TMEFF2: variants seen among roughly 807,000 people sequenced by gnomAD.
TMEFF2 encodes the protein tomoregulin-2.
In TMEFF2, 28 loss-of-function variants were observed where a neutral mutation model predicts 53.8. The ratio of observed to expected loss-of-function variants is 0.52; its 90% CI spans 0.39 to 0.71. TMEFF2 has a LOEUF of 0.71. Ranked by LOEUF, TMEFF2 falls within the 30% of genes least tolerant of loss-of-function variation. The pLI, the probability that TMEFF2 is intolerant of heterozygous loss-of-function variation, is 0.00. For missense variants in TMEFF2, 353 were observed against 455.2 expected (o/e 0.78, Z 2.04); for synonymous variants, 162 against 166.3 (o/e 0.97, Z 0.20).
chr2:192,129,729 GTA>G (rs1468912795), intron 4 of TMEFF2, among the ~76,000 whole-genome samples: 5 of 152,142 alleles, frequency 3.3e-5, no homozygotes, highest in South Asian at 2.1e-4. Flanking sequence ...AAGGTCCTTT[GTA>G]TATGTTTGTG....
At chr2:192,164,113 AT>A (rs1380304157) in intron 4 of TMEFF2, among the ~76,000 whole-genome samples, 2 of 152,322 alleles carry the variant, frequency 1.3e-5, no homozygotes, top group South Asian at 2.1e-4. Flanking sequence ...TTTTGAAAAT[AT>A]AAACCGGATT....
chr2:192,064,522 A>G (rs1213783630), intron 4 of TMEFF2, among the ~76,000 whole-genome samples: 2 of 151,888 alleles, frequency 1.3e-5, no homozygotes, highest in Non-Finnish European at 2.9e-5. Flanking sequence ...TAACTTTTCA[A>G]GACTTATCTA....
intron 4 of TMEFF2, among the ~76,000 whole-genome samples, chr2:192,174,126 A>G (rs981976929): frequency 9.2e-5 from 14 of 151,804 alleles, no homozygotes; most frequent in Non-Finnish European, 2.1e-4. Context: ...CTCCTGATTC[A>G]TAATCCAAAG....
At chr2:192,024,478 C>T (rs1194300186) in intron 5 of TMEFF2, among the ~76,000 whole-genome samples, 3 of 152,172 alleles carry the variant, frequency 2.0e-5, no homozygotes, top group Admixed American at 2.0e-4. Context: ...ATGTGGAGAA[C>T]ACTGGTAGTT....
At chr2:192,133,375 T>C (rs1389052223) in intron 4 of TMEFF2, among the ~76,000 whole-genome samples, 3 of 152,118 alleles carry the variant, frequency 2.0e-5, no homozygotes, top group African/African-American at 7.2e-5. Flanking sequence ...CATTAAAACC[T>C]AATCACCCTT....
intron 5 of TMEFF2, among the ~76,000 whole-genome samples, chr2:192,011,357 G>C (rs1234301600): frequency 6.6e-6 from 1 of 152,188 alleles, no homozygotes; most frequent in Non-Finnish European, 1.5e-5. Context: ...CACTGTGCTA[G>C]GGGTCAGGGA....
intron 4 of TMEFF2, among the ~76,000 whole-genome samples, chr2:192,130,417 G>T (rs1004925859): frequency 6.6e-6 from 1 of 152,044 alleles, no homozygotes; most frequent in Non-Finnish European, 1.5e-5. Context: ...TCAAGCCATC[G>T]CATCCCCTGT....
At position 192,138,284 on chromosome 2, in the gene TMEFF2, T is replaced by C. The variant is rs1236172561; in HGVS notation, c.439+41384A>G. ...ATACTGCATGTATGGTATATGTGCA[T>C]CTGCTTAGAAAATTGTGACATCGGT... On this transcript the variant is annotated intron_variant, in intron 4 of 9. Transcript: ENST00000272771. Among the ~76,000 whole-genome samples the C allele has an allele frequency of 4.6e-5, 7 of 152,350 alleles. 1 individual carries two copies. The East Asian group carries it at 1.3e-3, about 29-fold the overall frequency.
Position 192,099,476 on chromosome 2 carries a change from C to T in TMEFF2, c.440-41701G>A, listed in dbSNP as rs75299924. Among the ~76,000 whole-genome samples, 227 of 152,144 alleles carry T rather than the reference C, an allele frequency of 1.5e-3. 1 individual carries two copies. The highest frequency in any genetic ancestry group is 5.2e-3 in the African/African-American group (215 of 41,524). On this transcript the variant is annotated intron_variant, in intron 4 of 9. Coordinates refer to ENST00000272771, the MANE Select transcript of TMEFF2 (RefSeq NM_016192.4). ...CTTTTGCATATAGATTTCTTGTTCC[C>T]ATTGTGTTTCGAATTTTCTTGGGTT...
chr2:192,164,068 T>C (rs1009651636), intron 4 of TMEFF2, among the ~76,000 whole-genome samples: 1 of 152,188 alleles, frequency 6.6e-6, no homozygotes, highest in Non-Finnish European at 1.5e-5. Context: ...TTGCCTCATC[T>C]ACAATTCATT....
At chr2:192,022,853 G>A (rs1207444617) in intron 5 of TMEFF2, among the ~76,000 whole-genome samples, 1 of 152,086 alleles carries the variant, frequency 6.6e-6, no homozygotes, top group Non-Finnish European at 1.5e-5. Context: ...GCCAGGAGCT[G>A]TGCTAAGTGC....
chr2:192,188,291 CTCTT>C (rs977904664), intron 2 of TMEFF2, among the ~76,000 whole-genome samples: 2 of 152,200 alleles, frequency 1.3e-5, no homozygotes, highest in African/African-American at 4.8e-5. Flanking sequence ...TTCTACCTGG[CTCTT>C]TCTTTCTCTC....
chr2:192,092,205 ATCACAATAAAGTTT>A (rs1275257953), intron 4 of TMEFF2, among the ~76,000 whole-genome samples: 3 of 152,142 alleles, frequency 2.0e-5, no homozygotes, highest in South Asian at 2.1e-4. Context: ...AAAAAATGGA[ATCACAATAAAGTTT>A]TCACAATAAA....
At chr2:191,993,949 C>G (rs1178300043) in intron 7 of TMEFF2, among the ~76,000 whole-genome samples, 2 of 152,038 alleles carry the variant, frequency 1.3e-5, no homozygotes, top group African/African-American at 4.8e-5. Flanking sequence ...TCTTTTGTCT[C>G]TGAACTTATT....
chr2:191,964,680 A>G (rs1242474071), intron 7 of TMEFF2, among the ~76,000 whole-genome samples: 1 of 152,024 alleles, frequency 6.6e-6, no homozygotes, highest in Non-Finnish European at 1.5e-5. Context: ...TTCCATTTAC[A>G]GTGAAACTTA....
At chr2:192,056,297 T>C (rs1687907381) in intron 5 of TMEFF2, among the ~76,000 whole-genome samples, 1 of 147,432 alleles carries the variant, frequency 6.8e-6, no homozygotes, top group South Asian at 2.2e-4. Context: ...GCAATAATAA[T>C]AATAGGAAGA....
chr2:192,109,965 T>C (rs573901521), intron 4 of TMEFF2, among the ~76,000 whole-genome samples: 36 of 152,086 alleles, frequency 2.4e-4, no homozygotes, highest in African/African-American at 2.2e-4. Flanking sequence ...ATGAATGATA[T>C]GGCTTAGGGA....
At chr2:192,146,351 G>A (rs1690250406) in intron 4 of TMEFF2, among the ~76,000 whole-genome samples, 1 of 152,000 alleles carries the variant, frequency 6.6e-6, no homozygotes, top group African/African-American at 2.4e-5. Flanking sequence ...ATTAAAATAT[G>A]CCAGGAAATG....
Position 192,059,154 on chromosome 2 carries a change from C to T in TMEFF2, c.440-1379G>A, listed in dbSNP as rs146594632. Among the ~76,000 whole-genome samples the T allele has an allele frequency of 6.2e-3, 935 of 151,864 alleles. 5 individuals are homozygous for T. Among genetic ancestry groups the T allele is most frequent in the African/African-American group, 0.021 (871 of 41,434 alleles). On this transcript the variant is annotated intron_variant, in intron 4 of 9. Coordinates refer to ENST00000272771, the MANE Select transcript of TMEFF2 (RefSeq NM_016192.4). ...GTGGAGGGATTTATTTTTTCTAAAA[C>T]ATTTTTTTCCTGTGCTTGATAGTCA...
Sources: allele counts gnomAD v4.1 joint callset (sites outside exome capture counted in the v4.1 genomes callset), GRCh38; gene constraint gnomAD v4.1.1; transcripts MANE v1.5; gene names NCBI Gene and HGNC (gene_info 2026-07-23, HGNC 2026-07-21).